The following ATXN10 variants were observed in gnomAD, a reference collection of about 807,000 sequenced individuals.
ATXN10 encodes ataxin 10, also known as ataxin-10.
A neutral mutation model predicts 52.9 loss-of-function variants in ATXN10; 28 were observed. The ratio of observed to expected loss-of-function variants is 0.53; its 90% CI spans 0.39 to 0.73. ATXN10 has a LOEUF of 0.73. Ranked by LOEUF, ATXN10 falls within the 30% of genes least tolerant of loss-of-function variation. The pLI is 0.00. For missense variants in ATXN10, 565 were observed against 577.0 expected (o/e 0.98, Z 0.21); for synonymous variants, 226 against 221.5 (o/e 1.02, Z -0.18).
rs1190858459 is a variant in ATXN10 at position 45,718,921 on chromosome 22, G to A, written c.728+428G>A. On this transcript the variant is annotated intron_variant, in intron 6 of 11. Coordinates refer to ENST00000252934, the MANE Select transcript of ATXN10 (RefSeq NM_013236.4). This position sits in a 1 kb window ranked among gnomAD's most constrained non-coding sequence, Gnocchi z 4.4. ...TTGGACTAAAATAAAATTGACGCCC[G>A]TCCACAATGTCACAGTTACTGTAGT... Among the ~76,000 whole-genome samples, 4 of 152,216 alleles carry A rather than the reference G, an allele frequency of 2.6e-5. No individual in the cohort carries two copies. The highest frequency in any genetic ancestry group is 3.4e-3 in the Middle Eastern group (1 of 294).
In ATXN10 at chr22:45,781,166, A is replaced by G. The variant is rs1927136224; in HGVS notation, c.1174-25793A>G. On this transcript the variant is annotated intron_variant, in intron 9 of 11. Coordinates refer to ENST00000252934, the MANE Select transcript of ATXN10 (RefSeq NM_013236.4). This position sits in a 1 kb window ranked among gnomAD's most constrained non-coding sequence, Gnocchi z 4.2. Reference sequence around the variant, plus strand: ...AGAATGTGGCCCCAGCCCACCAACAATGGCTGAATGGGGAGCCGAAACAGA... The same window carrying G: ...AGAATGTGGCCCCAGCCCACCAACAGTGGCTGAATGGGGAGCCGAAACAGA... 6.6e-6 allele frequency among the ~76,000 whole-genome samples: 1 copy of G among 152,182 alleles called. No individual in the cohort carries two copies. The highest frequency in any genetic ancestry group is 6.5e-5 in the Admixed American group (1 of 15,288).
intron 9 of ATXN10, among the ~76,000 whole-genome samples, chr22:45,771,019 G>C (rs1400636910): frequency 2.6e-5 from 4 of 152,098 alleles, no homozygotes; most frequent in Non-Finnish European, 5.9e-5. Flanking sequence ...ATGCAAAATG[G>C]TACAGCCACT....
At position 45,795,283 on chromosome 22, in the gene ATXN10, A is replaced by G. The variant is rs932174579; in HGVS notation, c.1174-11676A>G. Among the ~76,000 whole-genome samples, 3 of 152,348 alleles carry G rather than the reference A, an allele frequency of 2.0e-5. No individual in the cohort carries two copies. The highest frequency in any genetic ancestry group is 4.2e-4 in the South Asian group (2 of 4,818). ...AATAGAAAACAGATGGCAGAATGAT[A>G]AACTCAATCATGTTGATAAATATAT... On this transcript the variant is annotated intron_variant, in intron 9 of 11. Coordinates refer to ENST00000252934, the MANE Select transcript of ATXN10 (RefSeq NM_013236.4). The surrounding 1 kb of genome is among the most constrained non-coding windows in gnomAD (Gnocchi z 4.6).
At chr22:45,674,946 A>G (rs1349229947) in intron 1 of ATXN10, 1 of 152,196 alleles carries the variant, frequency 6.6e-6, no homozygotes, top group Non-Finnish European at 1.5e-5. Context: ...GTGGCTTTGG[A>G]ACCATGGAGA....
Position 45,829,323 on chromosome 22 carries a change from A to G in ATXN10, c.1238-13668A>G, listed in dbSNP as rs539778653. ...AAGCTTTTTCTCTAAGATCGGGAAC[A>G]AGGCAAGGACGTCCACTTTCATCAC... On this transcript the variant is annotated intron_variant, in intron 10 of 11. Transcript: ENST00000252934. 3.3e-5 allele frequency among the ~76,000 whole-genome samples: 5 copies of G among 152,322 alleles called. No individual in the cohort carries two copies. In the East Asian group the frequency reaches 9.6e-4, roughly 29 times the overall value.
At chr22:45,799,467 GTCCT>G (rs1927862116) in intron 9 of ATXN10, among the ~76,000 whole-genome samples, 1 of 152,106 alleles carries the variant, frequency 6.6e-6, no homozygotes, top group South Asian at 2.1e-4. Context: ...TATGAGTGGT[GTCCT>G]TATAAAAAGG....
At position 45,774,309 on chromosome 22, in the gene ATXN10, C is replaced by T. The variant is rs975724189; in HGVS notation, c.1174-32650C>T. On this transcript the variant is annotated intron_variant, in intron 9 of 11. Coordinates refer to ENST00000252934, the MANE Select transcript of ATXN10 (RefSeq NM_013236.4). The surrounding 1 kb of genome is among the most constrained non-coding windows in gnomAD (Gnocchi z 6.2). ...GAGTGAGAGCAGGAGCTGCACCTGT[C>T]TGGAATGGCAGCCTGTCCCTACCAG... 6.6e-6 allele frequency among the ~76,000 whole-genome samples: 1 copy of T among 152,250 alleles called. No individual in the cohort carries two copies. The highest frequency in any genetic ancestry group is 1.9e-4 in the East Asian group (1 of 5,198).
At chr22:45,794,846 T>C (rs1415301848) in intron 9 of ATXN10, among the ~76,000 whole-genome samples, 1 of 152,210 alleles carries the variant, frequency 6.6e-6, no homozygotes, top group Non-Finnish European at 1.5e-5. Context: ...TATACAAATA[T>C]ATACAAAGGA....
chr22:45,841,847 G>A lies in ATXN10; in HGVS notation c.1238-1144G>A, dbSNP rs1015431118. Among the ~76,000 whole-genome samples, 6 of 152,178 alleles carry A rather than the reference G, an allele frequency of 3.9e-5. No homozygotes were observed. The highest frequency in any genetic ancestry group is 4.8e-5 in the African/African-American group (2 of 41,432). ...AAATGTCTCAGAACTGGTCCACAGC[G>A]TTGCACAGGGGTGTTCAGGACAAGA... is the stretch of plus-strand genomic sequence containing the variant. On this transcript the variant is annotated intron_variant, in intron 10 of 11. Transcript: ENST00000252934. This position sits in a 1 kb window ranked among gnomAD's most constrained non-coding sequence, Gnocchi z 5.1.
In ATXN10 at chr22:45,681,687, C is replaced by G. The variant is rs115539724; in HGVS notation, c.117-8025C>G. On this transcript the variant is annotated intron_variant, in intron 1 of 11. Transcript: ENST00000252934. This position sits in a 1 kb window ranked among gnomAD's most constrained non-coding sequence, Gnocchi z 4.2. ...ACAAGGCTAGAGAAAAACATACAGC[C>G]GTGCAGACTGCTCTCACTTTAACTT... Among the ~76,000 whole-genome samples, 1 of 152,208 alleles carries G rather than the reference C, an allele frequency of 6.6e-6. No homozygotes were observed. The highest frequency in any genetic ancestry group is 6.5e-5 in the Admixed American group (1 of 15,278).
In ATXN10 at chr22:45,843,829, G is replaced by A. The variant is rs1052312761; in HGVS notation, c.*158G>A. ...AGAGTTTAACGTGTATAAGCTAAAA[G>A]TGAAAGTAACTGAGTGTTCTCTTGT... On this transcript the variant is annotated 3_prime_UTR_variant, in exon 12 of 12. Transcript: ENST00000252934. The surrounding 1 kb of genome is among the most constrained non-coding windows in gnomAD (Gnocchi z 4.5). 2 of 701,502 alleles carry A rather than the reference G, an allele frequency of 2.9e-6. No homozygotes were observed. The highest frequency in any genetic ancestry group is 3.9e-4 in the Middle Eastern group (1 of 2,582). 43.5% of individuals were successfully genotyped at this position (701,502 alleles called of 1,614,324 possible).
In ATXN10 at chr22:45,820,486, C is replaced by T. The variant is rs1928610514; in HGVS notation, c.1237+13464C>T. Among the ~76,000 whole-genome samples, 1 of 152,188 alleles carries T rather than the reference C, an allele frequency of 6.6e-6. No individual in the cohort carries two copies. Among genetic ancestry groups the T allele is most frequent in the Non-Finnish European group, 1.5e-5 (1 of 68,036 alleles). The stretch of plus-strand genomic sequence containing the variant: ...GGGAATTCAGAGGTCTGCTTTTCTG[C>T]CTGGAGTTGACTGCTTCTTATGGAG... On this transcript the variant is annotated intron_variant, in intron 10 of 11. Transcript: ENST00000252934. The surrounding 1 kb of genome is among the most constrained non-coding windows in gnomAD (Gnocchi z 4.9).
chr22:45,738,974 TCA>T (rs1364157650), intron 8 of ATXN10, 135 bp downstream of exon 8: 1 of 792,740 alleles, frequency 1.3e-6, no homozygotes, highest in Non-Finnish European at 2.1e-6. Context: ...TTGAGAGGAA[TCA>T]CAGTGTTGTA....
chr22:45,734,869 A>ATATCAT (rs1555891204), intron 7 of ATXN10, among the ~76,000 whole-genome samples: 1 of 142,360 alleles, frequency 7.0e-6, no homozygotes, highest in Non-Finnish European at 1.5e-5. Context: ...GAAATGGGTT[A>ATATCAT]TATTATTATT....
At chr22:45,694,375 G>A (rs1923504908) in intron 3 of ATXN10, among the ~76,000 whole-genome samples, 1 of 151,890 alleles carries the variant, frequency 6.6e-6, no homozygotes, top group Non-Finnish European at 1.5e-5. Context: ...ATGTAGGCTG[G>A]GTGCCGTGGC....
chr22:45,713,575 C>G (rs1924334169), intron 5 of ATXN10, among the ~76,000 whole-genome samples: 1 of 152,202 alleles, frequency 6.6e-6, no homozygotes, highest in African/African-American at 2.4e-5. Context: ...TGCAGAAATA[C>G]TGTCACTCTT....
chr22:45,778,692 A>G (rs1350173604), intron 9 of ATXN10, among the ~76,000 whole-genome samples: 1 of 152,236 alleles, frequency 6.6e-6, no homozygotes. Flanking sequence ...CATTAAGTGA[A>G]TAAAATCGTG....
chr22:45,699,489 C>CT (rs1923751463), intron 3 of ATXN10, among the ~76,000 whole-genome samples: 1 of 133,508 alleles, frequency 7.5e-6, no homozygotes, highest in Non-Finnish European at 1.6e-5. Flanking sequence ...CTTTTTCTTT[C>CT]CTTTTTTTTT....
Position 45,715,701 on chromosome 22 carries a change from T to C in ATXN10, c.648-2712T>C, listed in dbSNP as rs1231042368. ...GCCACCTTCACCTGAGTGATATTTA[T>C]AGACCTTCCCTTAGTACTTCCAAAC... On this transcript the variant is annotated intron_variant, in intron 5 of 11. Coordinates refer to ENST00000252934, the MANE Select transcript of ATXN10 (RefSeq NM_013236.4). The surrounding 1 kb of genome is among the most constrained non-coding windows in gnomAD (Gnocchi z 4.4). 1.3e-5 allele frequency among the ~76,000 whole-genome samples: 2 copies of C among 152,222 alleles called. No homozygotes were observed. The highest frequency in any genetic ancestry group is 2.9e-5 in the Non-Finnish European group (2 of 68,038).
Sources: gnomAD v4.1 joint callset for allele counts (sites outside exome capture counted in the v4.1 genomes callset) on GRCh38, gnomAD v4.1.1 for gene constraint, Gnocchi (gnomAD v3.1) non-coding constraint, MANE v1.5 for transcripts, NCBI Gene and HGNC (gene_info 2026-07-23, HGNC 2026-07-21) for gene names.